The following CAMSAP1 variants were observed in gnomAD, a reference collection of about 807,000 sequenced individuals.
CAMSAP1 encodes the protein calmodulin regulated spectrin associated protein 1, also known as calmodulin-regulated spectrin-associated protein 1.
In CAMSAP1, 58 loss-of-function variants were observed where a neutral mutation model predicts 143.5. That is an observed-to-expected ratio of 0.40 (90% CI 0.33 to 0.50). The LOEUF is 0.50. Among genes scored for constraint, CAMSAP1 ranks in the 20% least tolerant of loss-of-function variants. CAMSAP1 has a pLI of 0.45. For synonymous variants in CAMSAP1, 945 were observed against 859.3 expected (o/e 1.10, Z -1.74); for missense variants, 1,969 against 2,115.7 (o/e 0.93, Z 1.36).
intron 14 of CAMSAP1, 23 bp from the exon 15 acceptor site, chr9:135,816,028 GAC>G: frequency 6.2e-7 from 1 of 1,608,328 alleles, no homozygotes; most frequent in East Asian, 2.2e-5. Flanking sequence ...ACAGACAAGA[GAC>G]AGGCAGGTGA....
At chr9:135,862,786 A>G (rs575350694) in intron 4 of CAMSAP1, among the ~76,000 whole-genome samples, 178 bp from the exon 5 acceptor site, 58 of 152,280 alleles carry the variant, frequency 3.8e-4, no homozygotes, top group East Asian at 9.7e-4. Flanking sequence ...CCTGGAACAT[A>G]TATGTCAAGA....
At chr9:135,817,828 A>T (rs937376405) in intron 14 of CAMSAP1, 149 bp downstream of exon 14, 2 of 682,234 alleles carry the variant, frequency 2.9e-6, no homozygotes, top group African/African-American at 3.6e-5. Context: ...GGTATTCCTG[A>T]TGACATGATT....
intron 5 of CAMSAP1, among the ~76,000 whole-genome samples, chr9:135,856,251 C>T (rs960921368): frequency 3.3e-4 from 50 of 151,986 alleles, no homozygotes; most frequent in African/African-American, 1.1e-3. Context: ...ACCATCATGG[C>T]GGAAGATGAA....
At position 135,818,209 on chromosome 9, in the gene CAMSAP1, G is replaced by C. The variant is rs1835311990; in HGVS notation, c.4169-130C>G. ...ACAGGCCGCGTCCCCACCCCATCCC[G>C]GGGAGCCGGGCTGCGCCTGGATGTG... On this transcript the variant is annotated intron_variant, in intron 13 of 16. Transcript: ENST00000389532. This position sits in a 1 kb window ranked among gnomAD's most constrained non-coding sequence, Gnocchi z 7.7. 4 of 1,167,062 alleles carry C rather than the reference G, an allele frequency of 3.4e-6. No individual in the cohort carries two copies. The highest frequency in any genetic ancestry group is 1.5e-5 in the South Asian group (1 of 66,802). 72.3% of individuals were successfully genotyped at this position (1,167,062 alleles called of 1,614,324 possible).
At chr9:135,849,297 C>G (rs1836686229) in intron 7 of CAMSAP1, among the ~76,000 whole-genome samples, 2 of 152,186 alleles carry the variant, frequency 1.3e-5, no homozygotes, top group South Asian at 4.1e-4. Context: ...CAGTGAAAAA[C>G]AAAATGGTTG....
chr9:135,899,438 CCAAAA>C (rs1037704135), intron 1 of CAMSAP1, among the ~76,000 whole-genome samples: 38 of 150,428 alleles, frequency 2.5e-4, no homozygotes, highest in Non-Finnish European at 3.5e-4. Context: ...AAAAAAAAGT[CCAAAA>C]CAAAAGTCTT....
In CAMSAP1 at chr9:135,811,510, G is replaced by C; in HGVS notation, c.4608C>G (p.Ile1536Met). Reference sequence around the variant, plus strand: ...TTGGCCCCGTGCCAGTGAGTTTGTAGATTTCCTCAGTATCAGGATAGTAGC... The same window carrying C: ...TTGGCCCCGTGCCAGTGAGTTTGTACATTTCCTCAGTATCAGGATAGTAGC... ...LYCYYPDTEE[I>M]YKLTGTGPKN... The change falls in exon 17 of 17, where the codon ATC (isoleucine) becomes ATG (methionine). Residue 1536 changes from isoleucine (I) to methionine (M), a missense_variant. This residue lies in a region of CAMSAP1 where 143 missense variants were observed against 200.6 expected (regional missense o/e 0.71). Coordinates refer to ENST00000389532, the MANE Select transcript of CAMSAP1 (RefSeq NM_015447.4). The surrounding 1 kb of genome is among the most constrained non-coding windows in gnomAD (Gnocchi z 4.9). 1 of 1,609,444 alleles carries C rather than the reference G, an allele frequency of 6.2e-7. No individual in the cohort carries two copies. The highest frequency in any genetic ancestry group is 8.5e-7 in the Non-Finnish European group (1 of 1,177,666).
At position 135,821,538 on chromosome 9, in the gene CAMSAP1, G is replaced by C; in HGVS notation, c.3123C>G (p.Ile1041Met). The C allele has an allele frequency of 6.2e-7, 1 of 1,614,022 alleles. No individual in the cohort carries two copies. Among genetic ancestry groups the C allele is most frequent in the Non-Finnish European group, 8.5e-7 (1 of 1,179,898 alleles). The change falls in exon 11 of 17, where the codon ATC becomes ATG. Residue 1041 changes from isoleucine to methionine, a missense_variant. By Grantham distance (10) the Ile-to-Met change is conservative (BLOSUM62 1). Transcript: ENST00000389532. This position sits in a 1 kb window ranked among gnomAD's most constrained non-coding sequence, Gnocchi z 4.6. ...TCAGAAGCTGCTCTTGCTGCTGAGA[G>C]ATTTTCAGGATGGCCTGCTGCAGCG... ...ISTLQQAILK[I>M]SQQQEQLLMK... is the part of the protein sequence containing the mutation.
chr9:135,823,020 T>C lies in CAMSAP1; in HGVS notation c.1641A>G (p.Arg547=). ...CAGCCTGCTGGGGAACCACGTCTGC[T>C]CTAACAATAGCCACAAGCTCCTCTT... is the stretch of plus-strand genomic sequence containing the variant. The part of the protein sequence containing the change: ...DEEEELVAIV[R]ADVVPQQADP... Residue 547 remains arginine (R), a synonymous_variant, in exon 11 of 17, where the codon AGA becomes AGG. Transcript: ENST00000389532. 6.2e-7 allele frequency: 1 copy of C among 1,613,928 alleles called. No individual in the cohort carries two copies. Among genetic ancestry groups the C allele is most frequent in the Non-Finnish European group, 8.5e-7 (1 of 1,179,878 alleles).
chr9:135,879,283 T>C (rs2130977228), intron 3 of CAMSAP1, among the ~76,000 whole-genome samples: 1 of 152,286 alleles, frequency 6.6e-6, no homozygotes, highest in African/African-American at 2.4e-5. Flanking sequence ...GGAGACCACC[T>C]TCTATTTATC....
intron 7 of CAMSAP1, among the ~76,000 whole-genome samples, chr9:135,841,770 G>C (rs1050104348): frequency 6.6e-6 from 1 of 152,218 alleles, no homozygotes; most frequent in Non-Finnish European, 1.5e-5. Flanking sequence ...CTGGCTTTTA[G>C]AAGGAAAAGT....
In CAMSAP1 at chr9:135,811,619, G is replaced by A. The variant is rs769382019; in HGVS notation, c.4507-8C>T. 11 of 1,574,512 alleles carry A rather than the reference G, an allele frequency of 7.0e-6. No individual in the cohort carries two copies. In the Admixed American group the frequency reaches 1.1e-4, roughly 16 times the overall value. On this transcript the variant is annotated splice_region_variant and splice_polypyrimidine_tract_variant and intron_variant, in intron 16 of 16. Transcript: ENST00000389532. The surrounding 1 kb of genome is among the most constrained non-coding windows in gnomAD (Gnocchi z 4.9). Reference sequence around the variant, plus strand: ...ATCACACTTCTCCAGCTCCTGTGCAGAGAGAGAAAAGGGGAAGAGACAAAC... The same window carrying A: ...ATCACACTTCTCCAGCTCCTGTGCAAAGAGAGAAAAGGGGAAGAGACAAAC...
At chr9:135,831,325 T>C (rs1230170966) in intron 7 of CAMSAP1, among the ~76,000 whole-genome samples, 3 of 152,034 alleles carry the variant, frequency 2.0e-5, no homozygotes, top group Non-Finnish European at 2.9e-5. Flanking sequence ...AAAACTTGCA[T>C]GATGCAGTGT....
At chr9:135,900,954 A>G (rs1426170265) in intron 1 of CAMSAP1, among the ~76,000 whole-genome samples, 2 of 151,938 alleles carry the variant, frequency 1.3e-5, no homozygotes, top group Non-Finnish European at 2.9e-5. Context: ...GGGTTTCACC[A>G]TGTTGGCCGG....
At chr9:135,878,149 C>T (rs985209975) in intron 3 of CAMSAP1, among the ~76,000 whole-genome samples, 11 of 152,178 alleles carry the variant, frequency 7.2e-5, no homozygotes, top group African/African-American at 1.7e-4. Context: ...TTTCCTCAGA[C>T]GGCAGGGAGG....
chr9:135,858,978 C>T (rs1278755139), intron 5 of CAMSAP1, among the ~76,000 whole-genome samples: 5 of 152,206 alleles, frequency 3.3e-5, no homozygotes, highest in African/African-American at 1.2e-4. Flanking sequence ...TGACTCACAC[C>T]CATCTCCCCT....
At chr9:135,885,002 T>C (rs1838078854) in intron 1 of CAMSAP1, among the ~76,000 whole-genome samples, 1 of 152,112 alleles carries the variant, frequency 6.6e-6, no homozygotes. Flanking sequence ...CGGGGAAAGA[T>C]GCGACAGTCA....
Position 135,821,658 on chromosome 9 carries a change from C to A in CAMSAP1, c.3003G>T (p.Val1001=), listed in dbSNP as rs546860018. The A allele has an allele frequency of 3.0e-5, 48 of 1,614,010 alleles. No homozygotes were observed. The East Asian group carries it at 1.0e-3, about 34-fold the overall frequency. Residue 1001 remains valine (V), a synonymous_variant, in exon 11 of 17, where the codon GTG becomes GTT. Coordinates refer to ENST00000389532, the MANE Select transcript of CAMSAP1 (RefSeq NM_015447.4). The surrounding 1 kb of genome is among the most constrained non-coding windows in gnomAD (Gnocchi z 4.6). ...TGTCCTCCAGGAGGGCAGCGGAGAT[C>A]ACCTTATTTCTCTCCAGCTCGTGCA... ...VALHELERNK[V]ISAALLEDTV...
intron 14 of CAMSAP1, among the ~76,000 whole-genome samples, chr9:135,816,413 G>A (rs562420625): frequency 6.6e-6 from 1 of 152,262 alleles, no homozygotes; most frequent in Admixed American, 6.5e-5. Flanking sequence ...GGGAAGGAGG[G>A]GCCACAGCAG....
Sources: allele counts gnomAD v4.1 joint callset (sites outside exome capture counted in the v4.1 genomes callset), GRCh38; gene constraint gnomAD v4.1.1; regional missense constraint gnomAD v4.1.1; non-coding constraint Gnocchi (gnomAD v3.1); transcripts MANE v1.5; gene names NCBI Gene and HGNC (gene_info 2026-07-23, HGNC 2026-07-21).